The following ADGRV1 variants were observed in gnomAD, a reference collection of about 807,000 sequenced individuals.
ADGRV1 encodes G-protein coupled receptor 98.
ADGRV1 carries 359 observed loss-of-function variants against 596.2 expected under a neutral mutation model. That is an observed-to-expected ratio of 0.60 (90% CI 0.55 to 0.66). The LOEUF (loss-of-function observed/expected upper bound fraction) is 0.66. Among genes scored for constraint, ADGRV1 ranks in the 30% least tolerant of loss-of-function variants. The pLI, the probability that ADGRV1 is intolerant of heterozygous loss-of-function variation, is 0.00. For missense variants in ADGRV1, 7,274 were observed against 7,575.6 expected, an observed-to-expected ratio of 0.96 and a Z score of 1.48; for synonymous variants, 2,681 against 2,679.2, an observed-to-expected ratio of 1.00 and a Z score of -0.02.
chr5:90,924,013 C>T (rs1201429028), intron 83 of ADGRV1, among the ~76,000 whole-genome samples: 1 of 151,672 alleles, frequency 6.6e-6, no homozygotes, highest in Non-Finnish European at 1.5e-5. Flanking sequence ...GCCACATTTT[C>T]TTAATCCAGT....
intron 87 of ADGRV1, among the ~76,000 whole-genome samples, chr5:91,147,431 C>G (rs975622501): frequency 2.6e-5 from 4 of 152,160 alleles, no homozygotes; most frequent in Admixed American, 1.3e-4. Flanking sequence ...CCCCATGTGT[C>G]AAGGGCAGGA....
At chr5:90,647,070 C>A (rs927523836) in intron 16 of ADGRV1, among the ~76,000 whole-genome samples, 2 of 152,106 alleles carry the variant, frequency 1.3e-5, no homozygotes, top group African/African-American at 4.8e-5. Flanking sequence ...CTGCGCCCAG[C>A]CTGATTTGTA....
intron 29 of ADGRV1, among the ~76,000 whole-genome samples, chr5:90,686,747 G>A (rs1481137759): frequency 1.3e-5 from 2 of 152,144 alleles, no homozygotes; most frequent in Non-Finnish European, 2.9e-5. Context: ...GGATGGCTGG[G>A]TCAGATGGTA....
rs78171839 is a variant in ADGRV1 at position 90,913,171 on chromosome 5, G to T, written c.17856+49314G>T. Among the ~76,000 whole-genome samples, 1,416 of 152,246 alleles carry T rather than the reference G, an allele frequency of 9.3e-3. 29 individuals are homozygous for T. The highest frequency in any genetic ancestry group is 0.033 in the African/African-American group (1,379 of 41,548). ...GAGCATTATAGACTGTGGAAATATAGCCAGGGCCTTCTCAGTGATTAGATA... is the reference window on the plus strand; with the variant it reads ...GAGCATTATAGACTGTGGAAATATATCCAGGGCCTTCTCAGTGATTAGATA... On this transcript the variant is annotated intron_variant, in intron 83 of 89. Transcript: ENST00000405460.
chr5:90,748,849 G>A (rs1754935783), intron 52 of ADGRV1, among the ~76,000 whole-genome samples: 1 of 143,310 alleles, frequency 7.0e-6, no homozygotes, highest in African/African-American at 2.7e-5. Flanking sequence ...GAATTGAAGA[G>A]TATGAGAGCT....
chr5:90,799,369 A>G (rs1761104920), intron 70 of ADGRV1, among the ~76,000 whole-genome samples: 1 of 152,210 alleles, frequency 6.6e-6, no homozygotes, highest in Non-Finnish European at 1.5e-5. Flanking sequence ...CAAATTTACA[A>G]GGGATGTGAA....
chr5:90,636,358 G>A (rs557029787), intron 10 of ADGRV1, among the ~76,000 whole-genome samples: 167 of 152,260 alleles, frequency 1.1e-3, no homozygotes, highest in African/African-American at 3.3e-3. Flanking sequence ...TTAAAATATG[G>A]TGACCTCAAT....
Position 90,855,789 on chromosome 5 carries a change from C to G in ADGRV1, c.17643C>G (p.Asp5881Glu), listed in dbSNP as rs1380999514. The change falls in exon 82 of 90, where the codon GAC becomes GAG. Residue 5881 changes from aspartate (D) to glutamate (E), a missense_variant. Around this residue, in one of 5 missense-constraint regions of ADGRV1, gnomAD observed 1,874 missense variants for 1,970.2 expected, o/e 0.95. Coordinates refer to ENST00000405460, the MANE Select transcript of ADGRV1 (RefSeq NM_032119.4). ...QFCKVVEETA[D>E]YVECACSHMS... ...GCAAAGTGGTTGAGGAAACTGCAGA[C>G]TATGTGGAATGTGCCTGTTCACACA... The G allele has an allele frequency of 1.2e-6, 2 of 1,604,920 alleles. No individual in the cohort carries two copies. The highest frequency in any genetic ancestry group is 1.7e-5 in the Admixed American group (1 of 58,802).
At position 90,759,607 on chromosome 5, in the gene ADGRV1, G is replaced by C. The variant is rs753840164; in HGVS notation, c.12120+19G>C. The C allele has an allele frequency of 5.6e-6, 9 of 1,602,128 alleles. No individual in the cohort carries two copies. In the South Asian group the frequency reaches 1.0e-4, roughly 18 times the overall value. On this transcript the variant is annotated intron_variant, in intron 58 of 89. Coordinates refer to ENST00000405460, the MANE Select transcript of ADGRV1 (RefSeq NM_032119.4). ...AAAGACTGTAAGTTAAACATATCAG[G>C]GGAAAGCCTTGTTTCAGGCTAGCGT...
At chr5:90,599,626 T>C (rs886400843) in intron 1 of ADGRV1, among the ~76,000 whole-genome samples, 1 of 152,204 alleles carries the variant, frequency 6.6e-6, no homozygotes, top group East Asian at 1.9e-4. Context: ...TTTTTTTTAT[T>C]TATAAACTTC....
At chr5:90,625,068 A>G in intron 5 of ADGRV1, 62 bp from the exon 6 acceptor site, 1 of 947,558 alleles carries the variant, frequency 1.1e-6, no homozygotes. Context: ...CATCACAATG[A>G]TGCTTTCTCA....
intron 78 of ADGRV1, among the ~76,000 whole-genome samples, chr5:90,843,597 A>G (rs998084795): frequency 3.3e-5 from 5 of 152,204 alleles, no homozygotes; most frequent in African/African-American, 1.2e-4. Flanking sequence ...TTAGTTTAGA[A>G]TGGGGAAGAT....
chr5:90,756,858 C>A, intron 56 of ADGRV1, 121 bp from the exon 57 acceptor site: 1 of 824,464 alleles, frequency 1.2e-6, no homozygotes, highest in Non-Finnish European at 1.9e-6. Flanking sequence ...TTATATCTGA[C>A]TATTAATTTC....
chr5:90,908,474 A>G (rs1254124321), intron 83 of ADGRV1, among the ~76,000 whole-genome samples: 1 of 152,130 alleles, frequency 6.6e-6, no homozygotes, highest in Non-Finnish European at 1.5e-5. Context: ...CTATTTCTAT[A>G]CCCATAGATT....
intron 50 of ADGRV1, among the ~76,000 whole-genome samples, chr5:90,733,515 T>A (rs1752818309): frequency 6.6e-6 from 1 of 152,116 alleles, no homozygotes; most frequent in South Asian, 2.1e-4. Flanking sequence ...AATACAGGAG[T>A]CAGTATTTGG....
intron 86 of ADGRV1, among the ~76,000 whole-genome samples, chr5:91,080,029 G>A (rs1222961624): frequency 5.3e-5 from 8 of 151,906 alleles, no homozygotes; most frequent in East Asian, 1.9e-4. Context: ...AGAATTTCAC[G>A]TATGTTATCT....
intron 87 of ADGRV1, among the ~76,000 whole-genome samples, chr5:91,137,296 C>T (rs1160773305): frequency 6.6e-6 from 1 of 152,082 alleles, no homozygotes; most frequent in African/African-American, 2.4e-5. Context: ...TGACACAGGA[C>T]CTCACCTAAA....
Position 90,783,931 on chromosome 5 carries a change from G to C in ADGRV1, c.13527G>C (p.Lys4509Asn). The C allele has an allele frequency of 6.2e-7, 1 of 1,612,392 alleles. No individual in the cohort carries two copies. Among genetic ancestry groups the C allele is most frequent in the Non-Finnish European group, 8.5e-7 (1 of 1,179,244 alleles). ...TAGTGAGCAGAATCATAATAGCTAA[G>C]AGTGACTCTCCCTTTGGAGTTATAA... The part of the protein sequence containing the change: ...RHLVSRIIIA[K>N]SDSPFGVIRF... The change falls in exon 67 of 90, where the codon AAG becomes AAC. Residue 4509 changes from lysine to asparagine, a missense_variant. By Grantham distance (94) the Lys-to-Asn change is moderately conservative. Coordinates refer to ENST00000405460, the MANE Select transcript of ADGRV1 (RefSeq NM_032119.4).
At chr5:90,687,653 T>C (rs1262694149) in intron 29 of ADGRV1, among the ~76,000 whole-genome samples, 2 of 152,116 alleles carry the variant, frequency 1.3e-5, no homozygotes, top group African/African-American at 4.8e-5. Context: ...GAAAATCCCA[T>C]TGTCTCAGCG....
Sources: allele counts gnomAD v4.1 joint callset (sites outside exome capture counted in the v4.1 genomes callset), GRCh38; gene constraint gnomAD v4.1.1; regional missense constraint gnomAD v4.1.1; transcripts MANE v1.5; gene names NCBI Gene and HGNC (gene_info 2026-07-23, HGNC 2026-07-21).